Variants in DYNC2H1 observed in about 807,000 individuals in gnomAD.
The protein encoded by DYNC2H1 is cytoplasmic dynein 2 heavy chain 1.
In DYNC2H1, 410 loss-of-function variants were observed where a neutral mutation model predicts 570.0. That is an observed-to-expected ratio of 0.72 (90% CI 0.66 to 0.78). DYNC2H1 has a LOEUF of 0.78. Ranked by LOEUF, DYNC2H1 falls within the 30% of genes least tolerant of loss-of-function variation. DYNC2H1 has a pLI of 0.00. For synonymous variants in DYNC2H1, 1,688 were observed against 1,677.6 expected, an observed-to-expected ratio of 1.01 and a Z score of -0.15; for missense variants, 4,865 against 5,046.4, an observed-to-expected ratio of 0.96 and a Z score of 1.09.
intron 82 of DYNC2H1, among the ~76,000 whole-genome samples, chr11:103,336,428 C>T (rs1229250423): frequency 6.6e-6 from 1 of 152,050 alleles, no homozygotes; most frequent in Non-Finnish European, 1.5e-5. Context: ...TTAACCAACC[C>T]CTTTTTATCC....
intron 83 of DYNC2H1, among the ~76,000 whole-genome samples, chr11:103,389,506 G>T (rs1049082516): frequency 2.6e-5 from 4 of 151,844 alleles, no homozygotes; most frequent in African/African-American, 9.7e-5. Flanking sequence ...CTTCATTTCT[G>T]CTCTGATCTT....
intron 80 of DYNC2H1, among the ~76,000 whole-genome samples, 163 bp downstream of exon 80, chr11:103,316,783 T>G (rs927906519): frequency 6.6e-5 from 10 of 152,082 alleles, no homozygotes; most frequent in Non-Finnish European, 8.8e-5. Context: ...TATCTCAGAG[T>G]TCTTATATGG....
chr11:103,179,758 G>A (rs1861773957), intron 39 of DYNC2H1, among the ~76,000 whole-genome samples: 1 of 151,468 alleles, frequency 6.6e-6, no homozygotes. Flanking sequence ...AGTATATTTG[G>A]AAGAGGCTTA....
intron 87 of DYNC2H1, among the ~76,000 whole-genome samples, chr11:103,463,151 C>T (rs1028017455): frequency 6.6e-6 from 1 of 152,054 alleles, no homozygotes; most frequent in African/African-American, 2.4e-5. Flanking sequence ...CCACTCTTAT[C>T]TAAATATATA....
intron 40 of DYNC2H1, among the ~76,000 whole-genome samples, chr11:103,182,468 G>A (rs923398673): frequency 6.6e-6 from 1 of 151,730 alleles, no homozygotes; most frequent in African/African-American, 2.4e-5. Flanking sequence ...CATAATACAA[G>A]AGAGACTTTG....
At chr11:103,291,937 A>G (rs1866617818) in intron 75 of DYNC2H1, among the ~76,000 whole-genome samples, 1 of 152,018 alleles carries the variant, frequency 6.6e-6, no homozygotes. Flanking sequence ...TTCAGTCTAT[A>G]TGAGTCTTTA....
intron 75 of DYNC2H1, among the ~76,000 whole-genome samples, chr11:103,297,675 A>G (rs768610887): frequency 1.3e-5 from 2 of 152,146 alleles, no homozygotes; most frequent in Non-Finnish European, 2.9e-5. Flanking sequence ...CATGGTATAC[A>G]TGGTCCATCG....
chr11:103,192,057 A>T, intron 46 of DYNC2H1, 40 bp from the exon 47 acceptor site: 1 of 1,361,098 alleles, frequency 7.3e-7, no homozygotes, highest in Non-Finnish European at 9.9e-7. Context: ...TTATTTAAAA[A>T]TCATTATATT....
chr11:103,244,757 CTA>C lies in DYNC2H1; in HGVS notation c.9919-491_9919-490del, dbSNP rs1350877035. 6.8e-6 allele frequency among the ~76,000 whole-genome samples: 1 copy of C among 147,544 alleles called. No homozygotes were observed. Among genetic ancestry groups the C allele is most frequent in the Non-Finnish European group, 1.5e-5 (1 of 67,134 alleles). On this transcript the variant is annotated intron_variant, in intron 64 of 88. Transcript: ENST00000375735. The surrounding 1 kb of genome is among the most constrained non-coding windows in gnomAD (Gnocchi z 4.3). ...AAGTATATAAATATACTATATATAT[CTA>C]TAGTTACAGTTATATACATATAAGT...
intron 73 of DYNC2H1, among the ~76,000 whole-genome samples, chr11:103,284,279 A>G (rs1293985006): frequency 6.6e-6 from 1 of 152,154 alleles, no homozygotes. Flanking sequence ...GCTATATTCA[A>G]AATTGAGCCC....
intron 82 of DYNC2H1, among the ~76,000 whole-genome samples, chr11:103,343,613 T>G (rs1404183236): frequency 6.6e-6 from 1 of 152,118 alleles, no homozygotes; most frequent in African/African-American, 2.4e-5. Context: ...TCCTTCCTAT[T>G]CATATGACGA....
chr11:103,273,415 G>T (rs778743542), intron 70 of DYNC2H1, among the ~76,000 whole-genome samples: 1 of 151,978 alleles, frequency 6.6e-6, no homozygotes, highest in Non-Finnish European at 1.5e-5. Flanking sequence ...CCTCAAACTC[G>T]TGAGCTCAAG....
intron 70 of DYNC2H1, among the ~76,000 whole-genome samples, chr11:103,279,534 C>T (rs1035264529): frequency 4.6e-5 from 7 of 152,006 alleles, no homozygotes; most frequent in African/African-American, 1.7e-4. Context: ...TTAATTTCTA[C>T]CTTATTTTTC....
At position 103,255,801 on chromosome 11, in the gene DYNC2H1, G is replaced by A. The variant is rs599669; in HGVS notation, c.10326+267G>A. On this transcript the variant is annotated intron_variant, in intron 67 of 88. Coordinates refer to ENST00000375735, the MANE Select transcript of DYNC2H1 (RefSeq NM_001377.3). Reference sequence around the variant, plus strand: ...TATGCTAATAATTTCAAGAAGCATTGAAAGCAAGAAATTATAACAATCTGT... The same window carrying A: ...TATGCTAATAATTTCAAGAAGCATTAAAAGCAAGAAATTATAACAATCTGT... 0.22 allele frequency among the ~76,000 whole-genome samples: 33,564 copies of A among 151,744 alleles called. 3,891 individuals carry two copies. Among genetic ancestry groups the A allele is most frequent in the African/African-American group, 0.3 (12,516 of 41,426 alleles).
At chr11:103,178,426 T>C (rs1861714451) in intron 38 of DYNC2H1, among the ~76,000 whole-genome samples, 1 of 152,110 alleles carries the variant, frequency 6.6e-6, no homozygotes. Flanking sequence ...AATACCACAT[T>C]AAGTAAAGGC....
chr11:103,321,199 C>T lies in DYNC2H1; in HGVS notation c.11896C>T (p.Pro3966Ser), dbSNP rs1353307673. 5 of 1,610,796 alleles carry T rather than the reference C, an allele frequency of 3.1e-6. No individual in the cohort carries two copies. Among genetic ancestry groups the T allele is most frequent in the Non-Finnish European group, 4.2e-6 (5 of 1,178,192 alleles). Residue 3966 changes from proline to serine, a missense_variant, in exon 81 of 89, where the codon CCA becomes TCA. Pro to Ser is a moderately conservative substitution (Grantham distance 74, BLOSUM62 -1). Around this residue, in one of 5 missense-constraint regions of DYNC2H1, gnomAD observed 2,401 missense variants for 2,454.6 expected, o/e 0.98. Transcript: ENST00000375735. ...FNQRNKKSIFPYSVSLPQSCS... is the reference protein window; with the variant it reads ...FNQRNKKSIFSYSVSLPQSCS... ...CCAAAGGAACAAGAAAAGCATTTTT[C>T]CATATTCCGTATCTCTACCACAATC...
intron 65 of DYNC2H1, among the ~76,000 whole-genome samples, chr11:103,248,486 G>A (rs552004064): frequency 6.6e-6 from 1 of 152,136 alleles, no homozygotes; most frequent in South Asian, 2.1e-4. Flanking sequence ...GTAATAATTA[G>A]CAATATCCCA....
rs140380392 is a variant in DYNC2H1 at position 103,239,642 on chromosome 11, AGTGTGTGTGTGTGT to A, written c.9819+3126_9819+3139del. ...CTCCTGTCTATACACTTCTCATAGGAGTGTGTGTGTGTGTGTGTGTGTGTGTGTGTGTGTGTAAC... is the reference window on the plus strand; with the variant it reads ...CTCCTGTCTATACACTTCTCATAGGAGTGTGTGTGTGTGTGTGTGTGTAAC... On this transcript the variant is annotated intron_variant, in intron 63 of 88. Coordinates refer to ENST00000375735, the MANE Select transcript of DYNC2H1 (RefSeq NM_001377.3). The surrounding 1 kb of genome is among the most constrained non-coding windows in gnomAD (Gnocchi z 4.3). Among the ~76,000 whole-genome samples the A allele has an allele frequency of 2.1e-5, 3 of 140,014 alleles. No homozygotes were observed. Among genetic ancestry groups the A allele is most frequent in the South Asian group, 2.3e-4 (1 of 4,366 alleles). The allele number at this position is 140,014 out of a possible 152,430, so 91.9% of individuals were successfully genotyped here.
chr11:103,214,445 TC>T (rs67831563), intron 54 of DYNC2H1, among the ~76,000 whole-genome samples: 14,739 of 63,636 alleles, frequency 0.23, 914 homozygotes, highest in East Asian at 0.33. Flanking sequence ...TACTTCTTCT[TC>T]TTTTTTTTTT....
Sources: allele counts gnomAD v4.1 joint callset (sites outside exome capture counted in the v4.1 genomes callset), GRCh38; gene constraint gnomAD v4.1.1; regional missense constraint gnomAD v4.1.1; non-coding constraint Gnocchi (gnomAD v3.1); transcripts MANE v1.5; gene names NCBI Gene and HGNC (gene_info 2026-07-23, HGNC 2026-07-21).